The following CLTA variants were observed in gnomAD, a reference collection of about 807,000 sequenced individuals.
CLTA encodes the protein clathrin, light polypeptide (Lca).
A neutral mutation model predicts 26.9 loss-of-function variants in CLTA; 9 were observed. That is an observed-to-expected ratio of 0.33 (90% CI 0.20 to 0.58). CLTA has a LOEUF of 0.58. Among genes scored for constraint, CLTA ranks in the 20% least tolerant of loss-of-function variants. The pLI is 0.85. For missense variants in CLTA, 278 were observed against 294.2 expected, an observed-to-expected ratio of 0.94 and a Z score of 0.40; for synonymous variants, 120 against 115.5, an observed-to-expected ratio of 1.04 and a Z score of -0.25.
At chr9:36,197,347 C>A (rs1409734996) in intron 1 of CLTA, among the ~76,000 whole-genome samples, 1 of 152,108 alleles carries the variant, frequency 6.6e-6, no homozygotes, top group African/African-American at 2.4e-5. Context: ...GACTTGGGAG[C>A]TTAAGGACAG....
At chr9:36,199,188 G>A in intron 3 of CLTA, 92 bp downstream of exon 3, 1 of 837,844 alleles carries the variant, frequency 1.2e-6, no homozygotes, top group South Asian at 1.4e-5. Flanking sequence ...ACATTAACCA[G>A]TGTCATTGTC....
chr9:36,208,987 GGTGCTTAAT>G (rs1278977218), intron 4 of CLTA, among the ~76,000 whole-genome samples: 1 of 152,180 alleles, frequency 6.6e-6, no homozygotes, highest in East Asian at 1.9e-4. Flanking sequence ...TCCATGATTG[GGTGCTTAAT>G]AAATGCCCGT....
chr9:36,206,137 G>A (rs1045158465), intron 4 of CLTA, among the ~76,000 whole-genome samples: 1 of 152,112 alleles, frequency 6.6e-6, no homozygotes, highest in African/African-American at 2.4e-5. Flanking sequence ...GTACCTTTCT[G>A]TACTTGGAAC....
At chr9:36,203,830 T>TATCC (rs1827565155) in intron 3 of CLTA, among the ~76,000 whole-genome samples, 1 of 152,162 alleles carries the variant, frequency 6.6e-6, no homozygotes, top group South Asian at 2.1e-4. Context: ...TGGACTGGGA[T>TATCC]AAGACCAGGA....
At chr9:36,196,823 A>C (rs1365208975) in intron 1 of CLTA, among the ~76,000 whole-genome samples, 1 of 152,206 alleles carries the variant, frequency 6.6e-6, no homozygotes, top group Non-Finnish European at 1.5e-5. Flanking sequence ...CTGACAAACT[A>C]TAAGAAACTC....
rs111812312 is a variant in CLTA, at chr9:36,193,262, T to C, written c.217+1989T>C. Among the ~76,000 whole-genome samples, 695 of 152,264 alleles carry C rather than the reference T, an allele frequency of 4.6e-3. 7 individuals carry two copies. Among genetic ancestry groups the C allele is most frequent in the Non-Finnish European group, 7.3e-3 (499 of 68,002 alleles). On this transcript the variant is annotated intron_variant, in intron 1 of 4. Coordinates refer to ENST00000345519, the MANE Select transcript of CLTA (RefSeq NM_001833.4). ...TAATATGCAGTGGTCAGCATTTCCT[T>C]TGGAGTTTAGAGAACTGATTGGACA...
chr9:36,210,113 C>CT (rs1015177798), intron 4 of CLTA, among the ~76,000 whole-genome samples: 3 of 108,670 alleles, frequency 2.8e-5, no homozygotes, highest in Admixed American at 9.9e-5. Flanking sequence ...TTTCTTTTTT[C>CT]TTTTTTTTAA....
chr9:36,201,275 A>G (rs1184708709), intron 3 of CLTA, among the ~76,000 whole-genome samples: 1 of 152,194 alleles, frequency 6.6e-6, no homozygotes, highest in African/African-American at 2.4e-5. Flanking sequence ...AAAGCACGCG[A>G]TGCTAAAAAT....
chr9:36,191,234 C>A lies in CLTA; in HGVS notation c.178C>A (p.Pro60Thr). The change falls in exon 1 of 5, where the codon CCC (proline) becomes ACC (threonine). Residue 60 changes from proline (P) to threonine (T), a missense_variant. Coordinates refer to ENST00000345519, the MANE Select transcript of CLTA (RefSeq NM_001833.4). ...EAFAILDGGA[P>T]GPQPHGEPPG... The stretch of plus-strand genomic sequence containing the variant: ...CTTCGCCATCCTGGACGGCGGCGCC[C>A]CCGGGCCCCAGCCGCACGGCGAGCC... The A allele has an allele frequency of 6.5e-7, 1 of 1,541,666 alleles. No homozygotes were observed. The highest frequency in any genetic ancestry group is 1.2e-5 in the South Asian group (1 of 84,132).
At chr9:36,209,183 TG>T (rs1827897062) in intron 4 of CLTA, 1 of 1,549,254 alleles carries the variant, frequency 6.5e-7, no homozygotes, top group Non-Finnish European at 8.9e-7. Flanking sequence ...GTACCTCAAT[TG>T]TGGATTTTAG....
intron 4 of CLTA, among the ~76,000 whole-genome samples, chr9:36,205,636 A>G (rs956895781): frequency 6.6e-6 from 1 of 151,752 alleles, no homozygotes; most frequent in African/African-American, 2.4e-5. Flanking sequence ...GATAATGAAT[A>G]TGTTGGTAAC....
chr9:36,194,483 A>G (rs1158414114), intron 1 of CLTA, among the ~76,000 whole-genome samples: 1 of 152,234 alleles, frequency 6.6e-6, no homozygotes, highest in Non-Finnish European at 1.5e-5. Flanking sequence ...TACCAGGTAC[A>G]CTTTCAGATC....
intron 4 of CLTA, chr9:36,210,542 T>C: frequency 6.2e-7 from 1 of 1,606,494 alleles, no homozygotes; most frequent in South Asian, 1.1e-5. Flanking sequence ...TCCAGCTTAC[T>C]GACCATCTGC....
At chr9:36,205,053 G>A (rs924890967) in intron 4 of CLTA, among the ~76,000 whole-genome samples, 1 of 152,352 alleles carries the variant, frequency 6.6e-6, no homozygotes, top group African/African-American at 2.4e-5. Context: ...CCTTGTCTCT[G>A]GCAGCTCTGT....
Position 36,190,993 on chromosome 9 carries a change from T to C in CLTA, c.-64T>C. 6.8e-7 allele frequency: 1 copy of C among 1,465,248 alleles called. No homozygotes were observed. The highest frequency in any genetic ancestry group is 8.9e-7 in the Non-Finnish European group (1 of 1,118,708). The allele number at this position is 1,465,248 out of a possible 1,614,324, so 90.8% of individuals were successfully genotyped here. ...GCACCACAGCGGTGGCTGCCGGGCG[T>C]GGTGTCGGTGGGTCGGTTGGTTTTT... On this transcript the variant is annotated 5_prime_UTR_variant, in exon 1 of 5. Coordinates refer to ENST00000345519, the MANE Select transcript of CLTA (RefSeq NM_001833.4).
At chr9:36,197,276 C>T (rs1282747562) in intron 1 of CLTA, among the ~76,000 whole-genome samples, 2 of 152,088 alleles carry the variant, frequency 1.3e-5, no homozygotes, top group African/African-American at 2.4e-5. Flanking sequence ...TCTCTTTCTG[C>T]TAGTCTTCCA....
At chr9:36,208,317 C>T (rs1385009826) in intron 4 of CLTA, among the ~76,000 whole-genome samples, 1 of 152,200 alleles carries the variant, frequency 6.6e-6, no homozygotes, top group East Asian at 1.9e-4. Context: ...TTTATCCACC[C>T]AGTCTGCCCC....
chr9:36,210,469 C>A, intron 4 of CLTA: 1 of 650,784 alleles, frequency 1.5e-6, no homozygotes, highest in Non-Finnish European at 1.9e-6. Context: ...TTTTGCTGGG[C>A]AGCTGGGTGG....
At chr9:36,202,713 G>C (rs113847195) in intron 3 of CLTA, among the ~76,000 whole-genome samples, 45 of 152,250 alleles carry the variant, frequency 3.0e-4, no homozygotes, top group African/African-American at 9.6e-4. Context: ...TGTAAAGATT[G>C]AGTTAGATGT....
Sources: gnomAD v4.1 joint callset for allele counts (sites outside exome capture counted in the v4.1 genomes callset) on GRCh38, gnomAD v4.1.1 for gene constraint, MANE v1.5 for transcripts, NCBI Gene and HGNC (gene_info 2026-07-23, HGNC 2026-07-21) for gene names.